TP63: variants seen among roughly 807,000 people sequenced by gnomAD.
TP63 encodes tumor protein p63.
TP63 carries 17 observed loss-of-function variants against 82.8 expected under a neutral mutation model. The ratio of observed to expected loss-of-function variants is 0.21; its 90% CI spans 0.14 to 0.31. TP63 has a LOEUF of 0.31. Ranked by LOEUF, TP63 falls within the 10% of genes least tolerant of loss-of-function variation. The probability of loss-of-function intolerance (pLI) is 1.00; values close to 1 mark genes in which losing one functional copy is unlikely to be tolerated. For missense variants in TP63, 648 were observed against 895.3 expected (o/e 0.72, Z 3.52); for synonymous variants, 330 against 321.7 (o/e 1.03, Z -0.28).
chr3:189,832,735 G>A (rs1021015558), intron 4 of TP63, among the ~76,000 whole-genome samples: 2 of 152,100 alleles, frequency 1.3e-5, no homozygotes, highest in African/African-American at 4.8e-5. Context: ...TTTACACTGT[G>A]GGAACTGGTT....
the TP63 span, among the ~76,000 whole-genome samples, chr3:189,610,616 C>G: frequency 5.3e-5 from 8 of 152,280 alleles, no homozygotes; most frequent in African/African-American, 1.9e-4. Flanking sequence ...TAGGAAGTTC[C>G]AAACTTTCCC....
At position 189,738,925 on chromosome 3, in the gene TP63, T is replaced by G. The variant is rs986041354; in HGVS notation, c.324+151T>G. 3.4e-6 allele frequency: 4 copies of G among 1,184,632 alleles called. No individual in the cohort carries two copies. In the African/African-American group the frequency reaches 6.1e-5, roughly 18 times the overall value. The allele number at this position is 1,184,632 out of a possible 1,614,324, so 73.4% of individuals were successfully genotyped here. A position where few individuals can be genotyped will look rare whatever the true frequency, so the allele number is the denominator to read the frequency against. ...TCTATGTTGTTAGCTGAGAGAAGAT[T>G]TGGTGTGGATTATGCATTCTGGGTC... On this transcript the variant is annotated intron_variant, in intron 3 of 13. Transcript: ENST00000264731.
At chr3:189,666,781 G>A (rs904068459) in intron 1 of TP63, among the ~76,000 whole-genome samples, 1 of 152,050 alleles carries the variant, frequency 6.6e-6, no homozygotes, top group Non-Finnish European at 1.5e-5. Context: ...GTGTATATGG[G>A]TAGTTCTCAA....
intron 1 of TP63, among the ~76,000 whole-genome samples, chr3:189,668,406 A>G (rs1714597491): frequency 6.6e-6 from 1 of 152,126 alleles, no homozygotes; most frequent in Non-Finnish European, 1.5e-5. Context: ...ATATGCTTTT[A>G]ATGTTATATA....
At chr3:189,602,708 T>A in the TP63 span, among the ~76,000 whole-genome samples, 1 of 152,194 alleles carries the variant, frequency 6.6e-6, no homozygotes, top group East Asian at 1.9e-4. Flanking sequence ...TGTTGCATCA[T>A]GACACTGATT....
rs13083781 is a variant in TP63 at position 189,789,395 on chromosome 3, T to G, written c.325-18877T>G. Among the ~76,000 whole-genome samples the G allele has an allele frequency of 3.3e-5, 5 of 152,118 alleles. No homozygotes were observed. In the South Asian group the frequency reaches 1.0e-3, roughly 32 times the overall value. ...TTTGTTTGGGGAGATTTGTTTTGTT[T>G]TTAAAAGACAGTGCACTTTCTTATG... On this transcript the variant is annotated intron_variant, in intron 3 of 13. Transcript: ENST00000264731.
chr3:189,755,862 T>G (rs952432818), intron 3 of TP63, among the ~76,000 whole-genome samples: 4 of 152,210 alleles, frequency 2.6e-5, no homozygotes, highest in Non-Finnish European at 4.4e-5. Context: ...AAGGCCTGTC[T>G]AGATGTCTGC....
At chr3:189,613,364 C>T in the TP63 span, among the ~76,000 whole-genome samples, 9 of 151,636 alleles carry the variant, frequency 5.9e-5, no homozygotes, top group Non-Finnish European at 1.3e-4. Flanking sequence ...TGGCAGCTTC[C>T]ATGTGGTGTT....
At chr3:189,857,564 T>C (rs1249727772) in intron 4 of TP63, among the ~76,000 whole-genome samples, 4 of 152,130 alleles carry the variant, frequency 2.6e-5, no homozygotes, top group Non-Finnish European at 5.9e-5. Flanking sequence ...TGGGAGAAAG[T>C]ATATTTTTAA....
At chr3:189,773,915 C>CTTTTT (rs57761830) in intron 3 of TP63, among the ~76,000 whole-genome samples, 41 of 72,922 alleles carry the variant, frequency 5.6e-4, no homozygotes, top group African/African-American at 8.4e-4. Flanking sequence ...TGTCTCGTGC[C>CTTTTT]TTTTTTTTTT....
chr3:189,698,116 A>G (rs9870855), intron 1 of TP63, among the ~76,000 whole-genome samples: 146,393 of 152,182 alleles, frequency 0.96, 70,478 homozygotes, highest in East Asian at 0.99. Flanking sequence ...CTCATTCTTA[A>G]CATTTTAAGA....
chr3:189,768,907 T>C (rs770626383), intron 3 of TP63, among the ~76,000 whole-genome samples: 3 of 152,166 alleles, frequency 2.0e-5, no homozygotes, highest in South Asian at 2.1e-4. Flanking sequence ...TTCACGAAGA[T>C]GACCAGAGAA....
chr3:189,634,825 G>A (rs1467096366), intron 1 of TP63, among the ~76,000 whole-genome samples: 1 of 151,972 alleles, frequency 6.6e-6, no homozygotes, highest in African/African-American at 2.4e-5. Flanking sequence ...TGTATTAGGT[G>A]AATATTGGAA....
At chr3:189,656,677 G>A (rs1396609869) in intron 1 of TP63, among the ~76,000 whole-genome samples, 1 of 152,058 alleles carries the variant, frequency 6.6e-6, no homozygotes, top group Non-Finnish European at 1.5e-5. Flanking sequence ...TAAAATATAT[G>A]CCATGCTAAC....
At chr3:189,787,342 A>G (rs1337778508) in intron 3 of TP63, among the ~76,000 whole-genome samples, 1 of 152,090 alleles carries the variant, frequency 6.6e-6, no homozygotes, top group Non-Finnish European at 1.5e-5. Flanking sequence ...GAAATCATTT[A>G]GCTCTGCCCT....
chr3:189,603,898 G>A, the TP63 span, among the ~76,000 whole-genome samples: 2 of 151,758 alleles, frequency 1.3e-5, no homozygotes, highest in African/African-American at 2.4e-5. Flanking sequence ...GAAGAGAAAA[G>A]GTAAATCGAA....
chr3:189,601,899 G>T, the TP63 span, among the ~76,000 whole-genome samples: 2 of 152,158 alleles, frequency 1.3e-5, no homozygotes, highest in African/African-American at 4.8e-5. Flanking sequence ...GGAAAGAGAT[G>T]CCCACGGTAT....
chr3:189,886,957 CT>C (rs2108855517), intron 11 of TP63, among the ~76,000 whole-genome samples: 1 of 152,230 alleles, frequency 6.6e-6, no homozygotes, highest in African/African-American at 2.4e-5. Context: ...GACTGCAATC[CT>C]AGCACTTTGG....
chr3:189,778,645 A>T (rs551261331), intron 3 of TP63, among the ~76,000 whole-genome samples: 1 of 152,238 alleles, frequency 6.6e-6, no homozygotes, highest in African/African-American at 2.4e-5. Flanking sequence ...AAGAATGTGG[A>T]TATTTTGAGG....
Sources: allele counts gnomAD v4.1 joint callset (sites outside exome capture counted in the v4.1 genomes callset), GRCh38; gene constraint gnomAD v4.1.1; transcripts MANE v1.5; gene names NCBI Gene and HGNC (gene_info 2026-07-23, HGNC 2026-07-21).